LINGO2: variants seen among roughly 807,000 people sequenced by gnomAD.
The protein encoded by LINGO2 is leucine rich repeat and Ig domain containing 2.
A neutral mutation model predicts 30.6 loss-of-function variants in LINGO2; 14 were observed. That is an observed-to-expected ratio of 0.46 (90% CI 0.30 to 0.72). LINGO2 has a LOEUF of 0.72. LINGO2 is among the 30% of genes least tolerant of loss of function. LINGO2 has a pLI of 0.07. For missense variants in LINGO2, 729 were observed against 751.7 expected, an observed-to-expected ratio of 0.97 and a Z score of 0.35; for synonymous variants, 317 against 288.5, an observed-to-expected ratio of 1.10 and a Z score of -1.00.
chr9:28,951,395 A>T, the LINGO2 span, among the ~76,000 whole-genome samples: 1 of 150,654 alleles, frequency 6.6e-6, no homozygotes, highest in African/African-American at 2.4e-5. Context: ...CACTGGGGAC[A>T]GGCCGGTGGG....
At chr9:28,252,321 GTTCAAGTGATTCTC>G in intron 4 of LINGO2, among the ~76,000 whole-genome samples, 1 of 152,182 alleles carries the variant, frequency 6.6e-6, no homozygotes, top group Non-Finnish European at 1.5e-5. Flanking sequence ...TGCCTCCCGG[GTTCAAGTGATTCTC>G]CTGCCTCAGT....
intron 4 of LINGO2, among the ~76,000 whole-genome samples, chr9:28,064,300 T>TA (rs1186453708): frequency 6.6e-6 from 1 of 152,148 alleles, no homozygotes; most frequent in Non-Finnish European, 1.5e-5. Flanking sequence ...GTTGTACCCA[T>TA]TCAACCTGGG....
chr9:28,316,239 CT>C (rs1011375828), intron 3 of LINGO2, among the ~76,000 whole-genome samples: 7 of 151,590 alleles, frequency 4.6e-5, no homozygotes, highest in Non-Finnish European at 8.8e-5. Context: ...AGTACCAAAA[CT>C]TTTTTTTAAA....
At chr9:28,717,257 C>T in the LINGO2 span, among the ~76,000 whole-genome samples, 54 of 150,762 alleles carry the variant, frequency 3.6e-4, no homozygotes, top group Non-Finnish European at 2.2e-4. Flanking sequence ...CTTAAAGAGG[C>T]CATGGCACTT....
chr9:28,668,203 G>C (rs1183775867), intron 1 of LINGO2, among the ~76,000 whole-genome samples: 4 of 151,978 alleles, frequency 2.6e-5, no homozygotes, highest in Non-Finnish European at 5.9e-5. Context: ...CAGTACCCGA[G>C]GTGGAGTGGT....
the LINGO2 span, among the ~76,000 whole-genome samples, chr9:28,826,857 G>A: frequency 6.6e-6 from 1 of 152,116 alleles, no homozygotes; most frequent in Admixed American, 6.5e-5. Flanking sequence ...GGACAATCAT[G>A]GGAGTCAACA....
chr9:28,139,483 C>T (rs1827614571), intron 4 of LINGO2, among the ~76,000 whole-genome samples: 1 of 152,144 alleles, frequency 6.6e-6, no homozygotes, highest in South Asian at 2.1e-4. Flanking sequence ...TGGATATTCA[C>T]TGGGGCACAA....
chr9:28,989,222 G>C, the LINGO2 span, among the ~76,000 whole-genome samples: 6 of 152,078 alleles, frequency 3.9e-5, no homozygotes, highest in African/African-American at 1.2e-4. Context: ...ACAAACAAAA[G>C]AACAATGAAA....
the LINGO2 span, among the ~76,000 whole-genome samples, chr9:28,987,599 T>G: frequency 6.6e-6 from 1 of 152,136 alleles, no homozygotes; most frequent in Non-Finnish European, 1.5e-5. Flanking sequence ...TAGTTTGTTC[T>G]TCTTTTTCTA....
chr9:28,429,059 A>G (rs1023942248), intron 2 of LINGO2, among the ~76,000 whole-genome samples: 4 of 152,180 alleles, frequency 2.6e-5, no homozygotes, highest in African/African-American at 9.7e-5. Flanking sequence ...CTTTTTTGAC[A>G]ATTGTATCAT....
intron 4 of LINGO2, among the ~76,000 whole-genome samples, chr9:28,248,852 T>C (rs1169435527): frequency 2.0e-5 from 3 of 152,202 alleles, no homozygotes; most frequent in Non-Finnish European, 2.9e-5. Flanking sequence ...GAAACAGTAA[T>C]GCCTATAAAG....
the LINGO2 span, among the ~76,000 whole-genome samples, chr9:29,012,428 C>A: frequency 6.6e-6 from 1 of 152,034 alleles, no homozygotes; most frequent in Non-Finnish European, 1.5e-5. Flanking sequence ...CCTAAGTTCA[C>A]CTAGTGAGTT....
intron 2 of LINGO2, among the ~76,000 whole-genome samples, chr9:28,442,517 TTA>T (rs758878796): frequency 1.4e-4 from 21 of 152,332 alleles, no homozygotes; most frequent in Admixed American, 2.6e-4. Flanking sequence ...TGTATTTGTT[TTA>T]TAAACTTTTT....
the LINGO2 span, among the ~76,000 whole-genome samples, chr9:29,182,428 G>C: frequency 1.3e-5 from 2 of 152,038 alleles, no homozygotes; most frequent in South Asian, 4.1e-4. Flanking sequence ...GCTTGAGTTA[G>C]AACTACTAGA....
intron 1 of LINGO2, among the ~76,000 whole-genome samples, chr9:28,637,439 C>G (rs986238845): frequency 2.0e-5 from 3 of 152,086 alleles, no homozygotes; most frequent in African/African-American, 7.2e-5. Flanking sequence ...GATATTAATT[C>G]TTCCTATCCA....
At chr9:28,437,752 AAGAT>A (rs1177574049) in intron 2 of LINGO2, among the ~76,000 whole-genome samples, 3 of 152,122 alleles carry the variant, frequency 2.0e-5, no homozygotes, top group Admixed American at 1.3e-4. Context: ...AGCCTATAGA[AAGAT>A]AGAGAACAAT....
In LINGO2 at chr9:28,473,527, C is replaced by T. The variant is rs117422044; in HGVS notation, c.-279+2413G>A. On this transcript the variant is annotated intron_variant, in intron 2 of 5. Coordinates refer to ENST00000379992, the Ensembl canonical transcript of LINGO2. ...TGCTTTTGGGACTATATCTCTTTCC[C>T]GGGACATACTGCATTACTGTAAGTT... Among the ~76,000 whole-genome samples, 459 of 152,068 alleles carry T rather than the reference C, an allele frequency of 3.0e-3. 8 individuals carry two copies. Among genetic ancestry groups the T allele is most frequent in the East Asian group, 0.028 (146 of 5,160 alleles).
chr9:28,008,624 C>A (rs1446014358), intron 5 of LINGO2, among the ~76,000 whole-genome samples: 1 of 152,042 alleles, frequency 6.6e-6, no homozygotes, highest in Non-Finnish European at 1.5e-5. Flanking sequence ...AATATAAATA[C>A]ATAAATACTG....
rs193088222 is a variant in LINGO2 at position 28,395,199 on chromosome 9, T to A, written c.-278-22331A>T. Among the ~76,000 whole-genome samples the A allele has an allele frequency of 3.1e-3, 467 of 152,294 alleles. 5 individuals are homozygous for A. Among genetic ancestry groups the A allele is most frequent in the Non-Finnish European group, 3.4e-3 (234 of 68,028 alleles). On this transcript the variant is annotated intron_variant, in intron 2 of 5. Transcript: ENST00000379992. ...AACAGAAGAAAGCCCTTCATACTAG[T>A]CCTTGAAGTAAGCTCTATGATCATA...
Sources: allele counts gnomAD v4.1 joint callset (sites outside exome capture counted in the v4.1 genomes callset), GRCh38; gene constraint gnomAD v4.1.1; transcripts MANE v1.5; gene names NCBI Gene and HGNC (gene_info 2026-07-23, HGNC 2026-07-21).